CHD6: variants seen among roughly 807,000 people sequenced by gnomAD.
CHD6 encodes ATP-dependent chromatin remodeler CHD6.
CHD6 carries 50 observed loss-of-function variants against 276.9 expected under a neutral mutation model. The observed-to-expected ratio is 0.18, with a 90% CI of 0.14 to 0.23. The LOEUF is 0.23. Ranked by LOEUF, CHD6 falls within the 10% of genes least tolerant of loss-of-function variation. The pLI is 1.00. For synonymous variants in CHD6, 1,173 were observed against 1,229.3 expected (o/e 0.95, Z 0.96); for missense variants, 2,564 against 3,365.8 (o/e 0.76, Z 5.89).
chr20:41,436,344 A>G (rs1481925093), intron 27 of CHD6, among the ~76,000 whole-genome samples: 1 of 152,218 alleles, frequency 6.6e-6, no homozygotes, highest in Admixed American at 6.5e-5. Flanking sequence ...TCAAGAAAAT[A>G]ATAGTGACCA....
intron 23 of CHD6, among the ~76,000 whole-genome samples, chr20:41,449,194 C>T (rs1569089809): frequency 6.6e-6 from 1 of 152,230 alleles, no homozygotes; most frequent in Non-Finnish European, 1.5e-5. Flanking sequence ...TGAACCACTG[C>T]ACCCAACCTG....
chr20:41,453,650 C>T (rs1443239888), intron 20 of CHD6, among the ~76,000 whole-genome samples: 1 of 152,160 alleles, frequency 6.6e-6, no homozygotes, highest in Non-Finnish European at 1.5e-5. Flanking sequence ...CTTCCCAACA[C>T]GGAAGGCTCC....
At chr20:41,479,986 C>T (rs558793965) in intron 16 of CHD6, among the ~76,000 whole-genome samples, 1 of 152,296 alleles carries the variant, frequency 6.6e-6, no homozygotes, top group East Asian at 1.9e-4. Context: ...GGATTAACAC[C>T]TTCAAAATTC....
intron 1 of CHD6, among the ~76,000 whole-genome samples, chr20:41,588,339 G>C (rs543430512): frequency 8.7e-4 from 132 of 152,288 alleles, no homozygotes; most frequent in African/African-American, 3.0e-3. Flanking sequence ...GTCGGCTCAG[G>C]TGGCTCTGCT....
At chr20:41,558,879 T>C (rs2045269588) in intron 1 of CHD6, among the ~76,000 whole-genome samples, 1 of 152,124 alleles carries the variant, frequency 6.6e-6, no homozygotes, top group African/African-American at 2.4e-5. Flanking sequence ...TACTCTCTTA[T>C]TCTAATTTCA....
At chr20:41,438,776 C>T (rs139727522) in intron 26 of CHD6, among the ~76,000 whole-genome samples, 1,703 of 152,226 alleles carry the variant, frequency 0.011, 35 homozygotes, top group African/African-American at 0.039. Flanking sequence ...AGAGTGTTTT[C>T]CCTGAATCAG....
rs1309816113 is a variant in CHD6 at position 41,480,998 on chromosome 20, G to GC, written c.2468+2310dup. 2.0e-5 allele frequency among the ~76,000 whole-genome samples: 3 copies of GC among 151,984 alleles called. No homozygotes were observed. In the East Asian group the frequency reaches 5.8e-4, roughly 29 times the overall value. ...TATGGTGATCTATGCCTATAATCCA[G>GC]CTACTCAGGAGGCTGAGATGGGAGG... On this transcript the variant is annotated intron_variant, in intron 16 of 36. Coordinates refer to ENST00000373233, the MANE Select transcript of CHD6 (RefSeq NM_032221.5).
chr20:41,487,728 T>C lies in CHD6; in HGVS notation c.1938A>G (p.Pro646=), dbSNP rs766588639. 61 of 1,612,390 alleles carry C rather than the reference T, an allele frequency of 3.8e-5. No individual in the cohort carries two copies. In the South Asian group the frequency reaches 6.3e-4, roughly 17 times the overall value. The stretch of plus-strand genomic sequence containing the variant: ...AAGCGGTCTCTGAAGGAAACTGTGA[T>C]GGCTCCAGAAAATTTAACAAACTGA... The part of the protein sequence containing the change: ...ELFSLLNFLE[P]SQFPSETAFL... Residue 646 remains proline (P), a synonymous_variant, in exon 14 of 37, where the codon CCA becomes CCG. Coordinates refer to ENST00000373233, the MANE Select transcript of CHD6 (RefSeq NM_032221.5).
rs570495630 is a variant in CHD6 at position 41,610,706 on chromosome 20, T to C, written c.-24+7634A>G. 4.6e-3 allele frequency among the ~76,000 whole-genome samples: 695 copies of C among 152,080 alleles called. 6 individuals carry two copies. Among genetic ancestry groups the C allele is most frequent in the South Asian group, 9.6e-3 (46 of 4,812 alleles). On this transcript the variant is annotated intron_variant, in intron 1 of 36. Transcript: ENST00000373233. Reference sequence around the variant, plus strand: ...CCAGGAGGCGGAGCTTGCAGTGAGCTGAGATCGCGCCACTGCACTCCAGCC... The same window carrying C: ...CCAGGAGGCGGAGCTTGCAGTGAGCCGAGATCGCGCCACTGCACTCCAGCC...
intron 16 of CHD6, among the ~76,000 whole-genome samples, chr20:41,481,228 G>T (rs953596804): frequency 6.6e-6 from 1 of 151,552 alleles, no homozygotes; most frequent in Admixed American, 6.6e-5. Context: ...GCCTAAAAAA[G>T]GATTTAAAGT....
intron 24 of CHD6, among the ~76,000 whole-genome samples, 163 bp from the exon 25 acceptor site, chr20:41,445,931 A>C (rs931007042): frequency 6.6e-6 from 1 of 152,238 alleles, no homozygotes; most frequent in Non-Finnish European, 1.5e-5. Flanking sequence ...TTTGCATGAG[A>C]ATCACTTAGG....
chr20:41,471,313 C>T lies in CHD6; in HGVS notation c.2664+2009G>A, dbSNP rs117896422. 1.4e-3 allele frequency among the ~76,000 whole-genome samples: 220 copies of T among 152,282 alleles called. 1 individual carries two copies. In the South Asian group the frequency reaches 0.019, roughly 13 times the overall value. On this transcript the variant is annotated intron_variant, in intron 17 of 36. Coordinates refer to ENST00000373233, the MANE Select transcript of CHD6 (RefSeq NM_032221.5). ...TCGTAAGTAGGTTCTTGATAGTGAG[C>T]TGATCAAATATTAGTTTTTGCTTAT...
At chr20:41,544,058 A>G (rs1268346444) in intron 2 of CHD6, among the ~76,000 whole-genome samples, 1 of 152,074 alleles carries the variant, frequency 6.6e-6, no homozygotes, top group African/African-American at 2.4e-5. Flanking sequence ...TGGGCAAAAT[A>G]GTGAAACCCT....
intron 1 of CHD6, among the ~76,000 whole-genome samples, chr20:41,555,890 C>T (rs996862884): frequency 6.6e-6 from 1 of 150,678 alleles, no homozygotes; most frequent in Non-Finnish European, 1.5e-5. Context: ...CTTTGGGAGG[C>T]CAAGGCAGGC....
In CHD6 at chr20:41,497,544, C is replaced by G. The variant is rs367694067; in HGVS notation, c.975-43G>C. On this transcript the variant is annotated intron_variant, in intron 7 of 36. Coordinates refer to ENST00000373233, the MANE Select transcript of CHD6 (RefSeq NM_032221.5). Reference sequence around the variant, plus strand: ...AATTGTCAGGCAAGCACATAACTAGCAAATGATCGAGCTTTAAGGTGTTCA... The same window carrying G: ...AATTGTCAGGCAAGCACATAACTAGGAAATGATCGAGCTTTAAGGTGTTCA... The G allele has an allele frequency of 4.5e-6, 6 of 1,322,490 alleles. No individual in the cohort carries two copies. In the African/African-American group the frequency reaches 8.7e-5, roughly 19 times the overall value. 81.9% of individuals were successfully genotyped at this position (1,322,490 alleles called of 1,614,324 possible).
intron 1 of CHD6, among the ~76,000 whole-genome samples, chr20:41,565,880 C>T (rs891685099): frequency 3.9e-5 from 6 of 152,264 alleles, no homozygotes; most frequent in African/African-American, 1.4e-4. Flanking sequence ...TGATAAATAT[C>T]ATTCTATGGA....
intron 36 of CHD6, among the ~76,000 whole-genome samples, chr20:41,410,405 C>T (rs2046807722): frequency 6.6e-6 from 1 of 152,114 alleles, no homozygotes; most frequent in Non-Finnish European, 1.5e-5. Context: ...TTTGGGTCTC[C>T]AGAACTGTGA....
At chr20:41,513,034 T>A (rs199616056) in intron 4 of CHD6, 39 bp from the exon 5 acceptor site, 1 of 1,610,992 alleles carries the variant, frequency 6.2e-7, no homozygotes, top group Admixed American at 1.7e-5. Flanking sequence ...GCTCTCTGAG[T>A]GAAAGACAAC....
At chr20:41,534,772 T>C (rs1460385104) in intron 2 of CHD6, among the ~76,000 whole-genome samples, 2 of 152,164 alleles carry the variant, frequency 1.3e-5, no homozygotes, top group African/African-American at 2.4e-5. Flanking sequence ...AAGGAGGAGA[T>C]AAGTGGACAT....
Sources: gnomAD v4.1 joint callset for allele counts (sites outside exome capture counted in the v4.1 genomes callset) on GRCh38, gnomAD v4.1.1 for gene constraint, MANE v1.5 for transcripts, NCBI Gene and HGNC (gene_info 2026-07-23, HGNC 2026-07-21) for gene names.